Variants in LRRC4C observed in about 807,000 individuals in gnomAD.
LRRC4C encodes leucine rich repeat containing 4C.
LRRC4C carries 5 observed loss-of-function variants against 33.6 expected under a neutral mutation model. The observed-to-expected ratio is 0.15, with a 90% CI of 0.08 to 0.31. LRRC4C has a LOEUF of 0.31. LRRC4C is among the 10% of genes least tolerant of loss of function. LRRC4C has a pLI of 1.00. For synonymous variants in LRRC4C, 329 were observed against 302.0 expected (o/e 1.09, Z -0.93); for missense variants, 560 against 796.7 (o/e 0.70, Z 3.58).
chr11:41,109,458 C>A (rs897003010), intron 1 of LRRC4C, among the ~76,000 whole-genome samples: 10 of 152,114 alleles, frequency 6.6e-5, no homozygotes, highest in South Asian at 4.1e-4. Flanking sequence ...GAATCAGAAA[C>A]AAAGCCAGAT....
chr11:40,642,814 T>C lies in LRRC4C; in HGVS notation c.-270+5328A>G, dbSNP rs188301995. Among the ~76,000 whole-genome samples the C allele has an allele frequency of 4.3e-4, 66 of 152,318 alleles. 1 individual carries two copies. Among genetic ancestry groups the C allele is most frequent in the Non-Finnish European group, 7.6e-4 (52 of 68,026 alleles). ...TGACAGGAAATAAACTTAGTAGAGTTATTTTTTCTTTTTGTAAATTCATAG... is the reference window on the plus strand; with the variant it reads ...TGACAGGAAATAAACTTAGTAGAGTCATTTTTTCTTTTTGTAAATTCATAG... On this transcript the variant is annotated intron_variant, in intron 3 of 6. Coordinates refer to ENST00000528697, the MANE Select transcript of LRRC4C (RefSeq NM_001258419.2).
At chr11:40,817,691 CT>C (rs1951762274) in intron 2 of LRRC4C, among the ~76,000 whole-genome samples, 1 of 152,130 alleles carries the variant, frequency 6.6e-6, no homozygotes. Context: ...ACTTTTGAAT[CT>C]TATCTCTTCC....
At chr11:41,068,490 A>C (rs1938431540) in intron 1 of LRRC4C, among the ~76,000 whole-genome samples, 1 of 152,118 alleles carries the variant, frequency 6.6e-6, no homozygotes, top group South Asian at 2.1e-4. Context: ...ACTAATAAAG[A>C]AGAGAAAAGA....
intron 4 of LRRC4C, among the ~76,000 whole-genome samples, chr11:40,250,718 G>A (rs190380055): frequency 1.5e-4 from 23 of 152,162 alleles, no homozygotes; most frequent in African/African-American, 5.3e-4. Context: ...CAGCCTGGGT[G>A]ACAGAGTGAG....
At chr11:40,610,464 C>T (rs570138056) in intron 3 of LRRC4C, among the ~76,000 whole-genome samples, 46 of 151,738 alleles carry the variant, frequency 3.0e-4, no homozygotes, top group Non-Finnish European at 5.5e-4. Flanking sequence ...AGATTACAAA[C>T]AAGGCAAGTA....
At chr11:40,232,140 G>A (rs1041881861) in intron 5 of LRRC4C, among the ~76,000 whole-genome samples, 3 of 152,112 alleles carry the variant, frequency 2.0e-5, no homozygotes, top group African/African-American at 7.2e-5. Context: ...CCAAGTAGCC[G>A]AGATTACAGT....
At chr11:41,354,848 T>C (rs928357397) in intron 1 of LRRC4C, among the ~76,000 whole-genome samples, 9 of 151,638 alleles carry the variant, frequency 5.9e-5, no homozygotes, top group Non-Finnish European at 1.2e-4. Context: ...AAAAATCAAC[T>C]CAAGATTGAT....
intron 3 of LRRC4C, among the ~76,000 whole-genome samples, chr11:40,550,112 C>T (rs1258348319): frequency 6.6e-6 from 1 of 152,014 alleles, no homozygotes; most frequent in Non-Finnish European, 1.5e-5. Flanking sequence ...TTACAGATAT[C>T]AAGGGATCTG....
intron 1 of LRRC4C, among the ~76,000 whole-genome samples, chr11:41,390,591 T>G (rs1394191258): frequency 6.6e-6 from 1 of 151,928 alleles, no homozygotes; most frequent in Non-Finnish European, 1.5e-5. Flanking sequence ...TTTTTCCCTT[T>G]CTTCCTGTAG....
intron 1 of LRRC4C, among the ~76,000 whole-genome samples, chr11:41,454,549 A>G (rs2138674353): frequency 6.6e-6 from 1 of 152,266 alleles, no homozygotes; most frequent in East Asian, 1.9e-4. Context: ...AGCAATATTA[A>G]CACCTCTTGC....
chr11:41,169,752 A>T (rs1944887777), intron 1 of LRRC4C, among the ~76,000 whole-genome samples: 4 of 152,166 alleles, frequency 2.6e-5, no homozygotes, highest in African/African-American at 2.4e-5. Context: ...ACTGAAAAGT[A>T]GCAAGCTTTA....
chr11:40,796,434 T>C (rs1283907460), intron 2 of LRRC4C, among the ~76,000 whole-genome samples: 1 of 151,964 alleles, frequency 6.6e-6, no homozygotes, highest in Non-Finnish European at 1.5e-5. Context: ...TGAAAATACA[T>C]GGGTGAAAGA....
intron 5 of LRRC4C, among the ~76,000 whole-genome samples, chr11:40,241,058 T>C (rs1257710863): frequency 2.6e-5 from 4 of 152,176 alleles, no homozygotes; most frequent in African/African-American, 9.7e-5. Context: ...AAAAGCCTTT[T>C]GGTTATGAAA....
intron 1 of LRRC4C, among the ~76,000 whole-genome samples, chr11:41,140,481 C>A (rs1379665707): frequency 7.5e-6 from 1 of 133,584 alleles, no homozygotes; most frequent in East Asian, 2.1e-4. Context: ...TCTCCTCCTT[C>A]CCCAAGGTCC....
chr11:41,025,554 AG>A (rs1306779914), intron 1 of LRRC4C, among the ~76,000 whole-genome samples: 1 of 151,668 alleles, frequency 6.6e-6, no homozygotes, highest in East Asian at 1.9e-4. Context: ...GCAGAAGAAA[AG>A]CTTGAAGCTA....
chr11:40,567,467 A>T (rs1170998242), intron 3 of LRRC4C, among the ~76,000 whole-genome samples: 1 of 152,170 alleles, frequency 6.6e-6, no homozygotes, highest in Non-Finnish European at 1.5e-5. Flanking sequence ...TAATTGCTCC[A>T]TTTTATAGCT....
intron 1 of LRRC4C, among the ~76,000 whole-genome samples, chr11:41,072,148 C>T (rs1217541818): frequency 1.3e-5 from 2 of 151,988 alleles, no homozygotes; most frequent in East Asian, 3.9e-4. Flanking sequence ...ATTACATAAA[C>T]TTAGATAAAG....
At chr11:40,633,650 A>T (rs1479859113) in intron 3 of LRRC4C, among the ~76,000 whole-genome samples, 1 of 152,004 alleles carries the variant, frequency 6.6e-6, no homozygotes, top group African/African-American at 2.4e-5. Context: ...TTGGCCTCCC[A>T]AAGTGCTGGG....
chr11:41,321,790 C>T (rs965746126), intron 1 of LRRC4C, among the ~76,000 whole-genome samples: 1 of 152,082 alleles, frequency 6.6e-6, no homozygotes, highest in Non-Finnish European at 1.5e-5. Context: ...AGGTAGATGA[C>T]CTTGGAAAAA....
Sources: gnomAD v4.1 joint callset for allele counts (sites outside exome capture counted in the v4.1 genomes callset) on GRCh38, gnomAD v4.1.1 for gene constraint, MANE v1.5 for transcripts, NCBI Gene and HGNC (gene_info 2026-07-23, HGNC 2026-07-21) for gene names.